Variants in PCDHA3 observed in about 807,000 individuals in gnomAD.
PCDHA3 encodes the protein protocadherin alpha-3.
A neutral mutation model predicts 62.2 loss-of-function variants in PCDHA3; 41 were observed. The observed-to-expected ratio is 0.66, with a 90% CI of 0.51 to 0.86. PCDHA3 has a LOEUF of 0.86. Ranked by LOEUF, PCDHA3 falls within the 40% of genes least tolerant of loss-of-function variation. The probability of loss-of-function intolerance (pLI) is 0.00; values close to 1 mark genes in which losing one functional copy is unlikely to be tolerated. For synonymous variants in PCDHA3, 640 were observed against 555.4 expected, an observed-to-expected ratio of 1.15 and a Z score of -2.14; for missense variants, 1,304 against 1,241.2, an observed-to-expected ratio of 1.05 and a Z score of -0.76.
chr5:140,815,649 T>C (rs1305813119), intron 1 of PCDHA3: 1 of 152,172 alleles, frequency 6.6e-6, no homozygotes, highest in Non-Finnish European at 1.5e-5. Context: ...TGTTTTTATC[T>C]ATATATTTAT....
intron 1 of PCDHA3, among the ~76,000 whole-genome samples, chr5:140,950,723 A>G (rs1478275346): frequency 1.3e-5 from 2 of 151,984 alleles, no homozygotes; most frequent in African/African-American, 4.8e-5. Flanking sequence ...ATATCCTTAA[A>G]TTTTTTAATC....
At chr5:140,969,982 G>A (rs1327490843) in intron 1 of PCDHA3, among the ~76,000 whole-genome samples, 1 of 152,184 alleles carries the variant, frequency 6.6e-6, no homozygotes, top group Non-Finnish European at 1.5e-5. Context: ...CAACTCTTCT[G>A]TAGAGGGCTG....
intron 1 of PCDHA3, chr5:140,807,095 G>A: frequency 7.2e-7 from 1 of 1,383,826 alleles, no homozygotes; most frequent in Non-Finnish European, 9.9e-7. Context: ...TCTGAAATAT[G>A]GAGGATGCAG....
intron 1 of PCDHA3, chr5:140,808,939 G>A (rs1168359860): frequency 4.3e-6 from 7 of 1,613,608 alleles, no homozygotes; most frequent in East Asian, 2.2e-5. Flanking sequence ...TGCCATGGTC[G>A]GTGGGTGTGG....
intron 1 of PCDHA3, among the ~76,000 whole-genome samples, chr5:140,960,355 A>G (rs1489344440): frequency 6.6e-6 from 1 of 152,222 alleles, no homozygotes; most frequent in Admixed American, 6.5e-5. Flanking sequence ...ATGTACTGAA[A>G]TAATATGCCA....
chr5:140,959,772 C>T (rs1554224331), intron 1 of PCDHA3, among the ~76,000 whole-genome samples: 1 of 152,120 alleles, frequency 6.6e-6, no homozygotes, highest in East Asian at 1.9e-4. Flanking sequence ...TCAGTAAGAA[C>T]AGTGTATATT....
At position 140,946,611 on chromosome 5, in the gene PCDHA3, A is replaced by AATATATATATATATATAT. The variant is rs1554217734; in HGVS notation, c.2395-32334_2395-32317dup. Among the ~76,000 whole-genome samples, 487 of 86,718 alleles carry AATATATATATATATATAT rather than the reference A, an allele frequency of 5.6e-3. 17 individuals are homozygous for AATATATATATATATATAT. The highest frequency in any genetic ancestry group is 0.01 in the African/African-American group (158 of 15,660). 56.9% of individuals were successfully genotyped at this position (86,718 alleles called of 152,430 possible). The stretch of plus-strand genomic sequence containing the variant: ...GGATGAATAGATAAAGAAAATGTGA[A>AATATATATATATATATAT]ATATATATATATATATATATACAAT... On this transcript the variant is annotated intron_variant, in intron 1 of 3. Coordinates refer to ENST00000522353, the MANE Select transcript of PCDHA3 (RefSeq NM_018906.3).
chr5:140,941,201 TC>T (rs1462646812), intron 1 of PCDHA3, among the ~76,000 whole-genome samples: 2 of 103,500 alleles, frequency 1.9e-5, no homozygotes, highest in African/African-American at 7.9e-5. Context: ...TTTTCTTTCT[TC>T]CTTTCTTTCT....
In PCDHA3 at chr5:140,869,658, T is replaced by C. The variant is rs370211026; in HGVS notation, c.2394+66067T>C. 1.2e-5 allele frequency: 19 copies of C among 1,613,432 alleles called. No homozygotes were observed. The African/African-American group carries it at 2.1e-4, about 18-fold the overall frequency. ...ATTTTTCTTTAGATTCACCAACAAATGGTAAGCAGATTAAAAGACTGTCAC... is the reference window on the plus strand; with the variant it reads ...ATTTTTCTTTAGATTCACCAACAAACGGTAAGCAGATTAAAAGACTGTCAC... On this transcript the variant is annotated intron_variant, in intron 1 of 3. Coordinates refer to ENST00000522353, the MANE Select transcript of PCDHA3 (RefSeq NM_018906.3).
intron 1 of PCDHA3, chr5:140,877,837 G>A (rs1313925880): frequency 6.3e-7 from 1 of 1,585,240 alleles, no homozygotes; most frequent in African/African-American, 1.4e-5. Context: ...TCCTCCCAGT[G>A]AAGTAAGTTA....
intron 1 of PCDHA3, chr5:140,843,092 G>A (rs1778555450): frequency 6.3e-7 from 1 of 1,595,654 alleles, no homozygotes. Flanking sequence ...GGGCCACGTG[G>A]TAGCGAAGGT....
intron 1 of PCDHA3, chr5:140,853,603 G>T (rs1358386755): frequency 1.0e-6 from 1 of 987,254 alleles, no homozygotes; most frequent in Non-Finnish European, 1.2e-6. Context: ...GAGAGCAAAG[G>T]GGGTGCTGTA....
intron 1 of PCDHA3, among the ~76,000 whole-genome samples, chr5:140,900,291 T>C (rs1397328670): frequency 6.6e-6 from 1 of 151,992 alleles, no homozygotes; most frequent in East Asian, 2.0e-4. Flanking sequence ...TTCTTTTCTG[T>C]TTTTTTAGAC....
chr5:140,822,567 C>A (rs2150117321), intron 1 of PCDHA3: 19 of 1,612,660 alleles, frequency 1.2e-5, no homozygotes, highest in East Asian at 2.2e-5. Flanking sequence ...TTAAACTGAA[C>A]GCCTCAGATG....
At chr5:140,834,515 C>T in intron 1 of PCDHA3, 1 of 1,614,100 alleles carries the variant, frequency 6.2e-7, no homozygotes, top group East Asian at 2.2e-5. Context: ...ATGGCAACTT[C>T]GTGGGCCGCA....
At chr5:140,858,637 A>G in intron 1 of PCDHA3, 1 of 969,728 alleles carries the variant, frequency 1.0e-6, no homozygotes, top group Non-Finnish European at 1.5e-6. Context: ...TCAGCCTTTG[A>G]TTGGTACTTA....
chr5:140,948,497 C>G (rs1181465701), intron 1 of PCDHA3, among the ~76,000 whole-genome samples: 2 of 151,510 alleles, frequency 1.3e-5, no homozygotes, highest in Non-Finnish European at 3.0e-5. Context: ...CTTTCATAGA[C>G]TTTCTATTAA....
rs375481139 is a variant in PCDHA3 at position 140,894,977 on chromosome 5, C to T, written c.2395-83972C>T. ...AAAAATATAATTTTTTAATGTCTTA[C>T]TTTGTGACATCCTTTACCCTTTTTA... On this transcript the variant is annotated intron_variant, in intron 1 of 3. Coordinates refer to ENST00000522353, the MANE Select transcript of PCDHA3 (RefSeq NM_018906.3). Among the ~76,000 whole-genome samples the T allele has an allele frequency of 4.5e-4, 69 of 152,216 alleles. No homozygotes were observed. The South Asian group carries it at 0.014, about 30-fold the overall frequency.
At chr5:140,885,930 A>AT (rs1188534786) in intron 1 of PCDHA3, among the ~76,000 whole-genome samples, 1 of 152,104 alleles carries the variant, frequency 6.6e-6, no homozygotes, top group African/African-American at 2.4e-5. Flanking sequence ...CTGTTTATCT[A>AT]TTTTTTGACA....
Sources: gnomAD v4.1 joint callset for allele counts (sites outside exome capture counted in the v4.1 genomes callset) on GRCh38, gnomAD v4.1.1 for gene constraint, MANE v1.5 for transcripts, NCBI Gene and HGNC (gene_info 2026-07-23, HGNC 2026-07-21) for gene names.